KSR2: variants seen among roughly 807,000 people sequenced by gnomAD.
The protein encoded by KSR2 is kinase suppressor of ras 2.
Under a neutral mutation model 107.8 loss-of-function variants are expected in KSR2, and 25 were observed. The observed-to-expected ratio is 0.23, with a 90% confidence interval of 0.17 to 0.32. KSR2 has a LOEUF of 0.32. KSR2 is among the 10% of genes least tolerant of loss of function. KSR2 has a pLI of 1.00. For synonymous variants in KSR2, 480 were observed against 507.0 expected (o/e 0.95, Z 0.71); for missense variants, 887 against 1,268.9 (o/e 0.70, Z 4.57).
chr12:117,898,451 TTG>T (rs1398619147), intron 1 of KSR2, among the ~76,000 whole-genome samples: 2 of 151,548 alleles, frequency 1.3e-5, no homozygotes, highest in East Asian at 1.9e-4. Context: ...TCCCGAGTAG[TTG>T]GGATTACAGG....
At chr12:117,962,423 G>A (rs1896685925) in intron 1 of KSR2, among the ~76,000 whole-genome samples, 1 of 148,310 alleles carries the variant, frequency 6.7e-6, no homozygotes, top group East Asian at 2.0e-4. Context: ...CCCATCGCCT[G>A]GGTTTTGTTT....
chr12:117,725,110 A>C (rs1251245421), intron 4 of KSR2, among the ~76,000 whole-genome samples: 2 of 151,588 alleles, frequency 1.3e-5, no homozygotes, highest in African/African-American at 4.8e-5. Flanking sequence ...ACACACACAC[A>C]CACCCCAAAA....
intron 9 of KSR2, among the ~76,000 whole-genome samples, chr12:117,548,908 ATT>A (rs769320425): frequency 6.6e-6 from 1 of 152,146 alleles, no homozygotes; most frequent in Non-Finnish European, 1.5e-5. Flanking sequence ...AAGCTATAGA[ATT>A]TTCCCTGGAA....
At chr12:117,474,343 A>G (rs1455132499) in intron 17 of KSR2, among the ~76,000 whole-genome samples, 2 of 152,202 alleles carry the variant, frequency 1.3e-5, no homozygotes, top group Admixed American at 6.5e-5. Context: ...TGGGCATAAA[A>G]TAATCAGGCC....
intron 4 of KSR2, among the ~76,000 whole-genome samples, chr12:117,742,888 C>T (rs1396298858): frequency 6.6e-6 from 1 of 152,178 alleles, no homozygotes; most frequent in Non-Finnish European, 1.5e-5. Context: ...ATGAAGAAAT[C>T]CACATATCAT....
At chr12:117,468,407 T>C (rs1871260790) in intron 19 of KSR2, among the ~76,000 whole-genome samples, 1 of 152,192 alleles carries the variant, frequency 6.6e-6, no homozygotes, top group East Asian at 1.9e-4. Context: ...TTTCAATCTA[T>C]GTCTGTCTGT....
In KSR2 at chr12:117,455,110, G is replaced by A. The variant is rs1870547896; in HGVS notation, c.*12089C>T. 1 of 151,988 alleles carries A rather than the reference G, an allele frequency of 6.6e-6. No individual in the cohort carries two copies. The highest frequency in any genetic ancestry group is 1.5e-5 in the Non-Finnish European group (1 of 68,100). 9.4% of individuals were successfully genotyped at this position (151,988 alleles called of 1,614,324 possible). The stretch of plus-strand genomic sequence containing the variant: ...AGAGAGGGATGCAGAGCAGGCCTGA[G>A]GTGGCCTGAGTACTGGTCTGACTCC... On this transcript the variant is annotated 3_prime_UTR_variant, in exon 20 of 20. Coordinates refer to ENST00000339824, the MANE Select transcript of KSR2 (RefSeq NM_173598.6).
Position 117,501,396 on chromosome 12 carries a change from A to AGAAATT in KSR2, c.2220-15706_2220-15705insAATTTC, listed in dbSNP as rs565961069. Among the ~76,000 whole-genome samples, 16 of 152,360 alleles carry AGAAATT rather than the reference A, an allele frequency of 1.1e-4. No homozygotes were observed. The East Asian group carries it at 2.9e-3, about 28-fold the overall frequency. On this transcript the variant is annotated intron_variant, in intron 14 of 19. Transcript: ENST00000339824. The stretch of plus-strand genomic sequence containing the variant: ...CAACAGAAATTGGGCTACTCAAACT[A>AGAAATT]GAAGGGCTTTCTTCAATTTCAGCCA...
chr12:117,930,380 T>C (rs1895663853), intron 1 of KSR2, among the ~76,000 whole-genome samples: 2 of 152,172 alleles, frequency 1.3e-5, no homozygotes, highest in South Asian at 4.1e-4. Flanking sequence ...ACTGGAGTTG[T>C]TCTGAGGACT....
chr12:117,898,770 C>T (rs1270872383), intron 1 of KSR2, among the ~76,000 whole-genome samples: 1 of 151,992 alleles, frequency 6.6e-6, no homozygotes, highest in Non-Finnish European at 1.5e-5. Context: ...GAGATCCAGT[C>T]ATTTGCAACA....
chr12:117,711,395 C>T (rs1341031753), intron 4 of KSR2, among the ~76,000 whole-genome samples: 1 of 152,190 alleles, frequency 6.6e-6, no homozygotes, highest in East Asian at 1.9e-4. Context: ...CACTTGCAGG[C>T]TGCAGGAACT....
intron 9 of KSR2, among the ~76,000 whole-genome samples, chr12:117,553,057 C>T (rs1414848321): frequency 1.3e-5 from 2 of 152,216 alleles, no homozygotes; most frequent in Non-Finnish European, 2.9e-5. Flanking sequence ...CAGTAGATAA[C>T]TGGAACAGCC....
At chr12:117,467,717 C>G (rs1392866939) in intron 19 of KSR2, 7 of 392,042 alleles carry the variant, frequency 1.8e-5, no homozygotes, top group African/African-American at 6.4e-5. Context: ...CTGCTATGAG[C>G]AGACTTTGAT....
At chr12:117,820,759 GA>G (rs958662624) in intron 3 of KSR2, among the ~76,000 whole-genome samples, 49 of 143,452 alleles carry the variant, frequency 3.4e-4, no homozygotes, top group African/African-American at 4.3e-4. Flanking sequence ...GAGTCAGTGT[GA>G]AAAAAAAAAA....
chr12:117,669,580 A>G lies in KSR2; in HGVS notation c.987-1922T>C, dbSNP rs117146574. On this transcript the variant is annotated intron_variant, in intron 4 of 19. Transcript: ENST00000339824. The stretch of plus-strand genomic sequence containing the variant: ...AATACATTGCTAAAATTAAAAAAAA[A>G]AAGAGGGCTGAGTGCAGTGTCTCAT... Among the ~76,000 whole-genome samples the G allele has an allele frequency of 1.3e-3, 196 of 152,122 alleles. 5 individuals are homozygous for G. In the East Asian group the frequency reaches 0.035, roughly 27 times the overall value.
intron 3 of KSR2, among the ~76,000 whole-genome samples, chr12:117,832,523 C>A (rs139106873): frequency 6.6e-6 from 1 of 152,228 alleles, no homozygotes; most frequent in Non-Finnish European, 1.5e-5. Context: ...CACCTCACTG[C>A]GTCCTCAATG....
chr12:117,733,440 T>C (rs1044211453), intron 4 of KSR2, among the ~76,000 whole-genome samples: 5 of 152,336 alleles, frequency 3.3e-5, no homozygotes, highest in Middle Eastern at 3.4e-3. Flanking sequence ...GGTCAGCGTA[T>C]TTCAGCCCAC....
At chr12:117,630,717 T>C (rs1228995079) in intron 5 of KSR2, among the ~76,000 whole-genome samples, 1 of 151,982 alleles carries the variant, frequency 6.6e-6, no homozygotes, top group Non-Finnish European at 1.5e-5. Context: ...AATTAGGAAA[T>C]GCAAATTGGC....
At chr12:117,799,310 C>T (rs9805086) in intron 3 of KSR2, among the ~76,000 whole-genome samples, 4,525 of 151,980 alleles carry the variant, frequency 0.03, 203 homozygotes, top group African/African-American at 0.098. Context: ...AAGATCAGCC[C>T]GGCCAACATG....
Sources: allele counts gnomAD v4.1 joint callset (sites outside exome capture counted in the v4.1 genomes callset), GRCh38; gene constraint gnomAD v4.1.1; transcripts MANE v1.5; gene names NCBI Gene and HGNC (gene_info 2026-07-23, HGNC 2026-07-21).